The following POC5 variants were observed in gnomAD, a reference collection of about 807,000 sequenced individuals.
POC5 encodes centrosomal protein POC5.
Under a neutral mutation model 62.9 loss-of-function variants are expected in POC5, and 48 were observed. The observed-to-expected ratio is 0.76, with a 90% CI of 0.61 to 0.97. POC5 has a LOEUF of 0.97. POC5 is among the 50% of genes least tolerant of loss of function. The pLI is 0.00. For synonymous variants in POC5, 236 were observed against 228.2 expected, an observed-to-expected ratio of 1.03 and a Z score of -0.31; for missense variants, 696 against 679.5, an observed-to-expected ratio of 1.02 and a Z score of -0.27.
At chr5:75,706,371 C>A (rs1412255434) in intron 3 of POC5, among the ~76,000 whole-genome samples, 3 of 152,168 alleles carry the variant, frequency 2.0e-5, no homozygotes, top group Non-Finnish European at 2.9e-5. Flanking sequence ...ACATAGAAGA[C>A]TTTAACAAAG....
intron 5 of POC5, among the ~76,000 whole-genome samples, chr5:75,698,344 A>G (rs1481082270): frequency 6.6e-6 from 1 of 152,012 alleles, no homozygotes; most frequent in East Asian, 1.9e-4. Flanking sequence ...CAAATGTAAA[A>G]GAACAGAAAT....
chr5:75,688,656 T>C (rs879939100), intron 9 of POC5, among the ~76,000 whole-genome samples: 3 of 152,142 alleles, frequency 2.0e-5, no homozygotes, highest in Non-Finnish European at 4.4e-5. Flanking sequence ...TCCAAAATAT[T>C]TGGCTACTTA....
At chr5:75,706,263 G>A (rs922770947) in intron 3 of POC5, among the ~76,000 whole-genome samples, 2 of 152,188 alleles carry the variant, frequency 1.3e-5, no homozygotes, top group Admixed American at 1.3e-4. Flanking sequence ...AAGAATGACT[G>A]TTAGAGGCTT....
chr5:75,700,017 G>T (rs1349382599), intron 5 of POC5, among the ~76,000 whole-genome samples: 10 of 151,890 alleles, frequency 6.6e-5, no homozygotes, highest in Non-Finnish European at 1.0e-4. Context: ...ACAAGGGATG[G>T]GAAGGACCTC....
chr5:75,684,427 A>G (rs6888261), intron 10 of POC5, among the ~76,000 whole-genome samples: 11,199 of 139,824 alleles, frequency 0.08, 441 homozygotes, highest in South Asian at 0.12. Context: ...GTGCAATGGC[A>G]TCATCTTGGC....
In POC5 at chr5:75,690,467, T is replaced by C; in HGVS notation, c.891A>G (p.Lys297=). 1.2e-6 allele frequency: 2 copies of C among 1,611,334 alleles called. No individual in the cohort carries two copies. The highest frequency in any genetic ancestry group is 8.5e-7 in the Non-Finnish European group (1 of 1,178,590). The change falls in exon 8 of 12, where the codon AAA becomes AAG. Residue 297 remains lysine, a synonymous_variant. Transcript: ENST00000428202. ...CTTGACAAGCTCTTTCTACCACATCTTTCCACTGCTTTTGCACTACGGAAC... is the reference window on the plus strand; with the variant it reads ...CTTGACAAGCTCTTTCTACCACATCCTTCCACTGCTTTTGCACTACGGAAC... ...VWRSVVQKQW[K]DVVERACQAR...
At chr5:75,676,722 T>C (rs973157779) in intron 11 of POC5, among the ~76,000 whole-genome samples, 1 of 152,148 alleles carries the variant, frequency 6.6e-6, no homozygotes, top group Non-Finnish European at 1.5e-5. Context: ...CTCGGGAGGC[T>C]GAGGCAGGAG....
intron 10 of POC5, among the ~76,000 whole-genome samples, chr5:75,679,098 G>A (rs1319533589): frequency 1.3e-5 from 2 of 152,126 alleles, no homozygotes; most frequent in East Asian, 3.8e-4. Context: ...ACTTATCTCA[G>A]AGTGTAAACG....
chr5:75,707,973 A>C, intron 2 of POC5, 98 bp from the exon 3 acceptor site: 1 of 1,070,374 alleles, frequency 9.3e-7, no homozygotes, highest in African/African-American at 1.6e-5. Flanking sequence ...ACCATAATAG[A>C]GTCCCATGCT....
chr5:75,709,512 C>T (rs1777257476), intron 2 of POC5: 1 of 152,100 alleles, frequency 6.6e-6, no homozygotes, highest in African/African-American at 2.4e-5. Flanking sequence ...TAGAACATTT[C>T]ACAAATTTGC....
chr5:75,716,711 T>C (rs1050521688), intron 1 of POC5, among the ~76,000 whole-genome samples: 2 of 152,232 alleles, frequency 1.3e-5, no homozygotes, highest in African/African-American at 4.8e-5. Context: ...AAAACTTTTG[T>C]GTGCTTCTCT....
chr5:75,680,918 T>C (rs1409752047), intron 10 of POC5, among the ~76,000 whole-genome samples: 2 of 152,164 alleles, frequency 1.3e-5, no homozygotes, highest in African/African-American at 4.8e-5. Flanking sequence ...GATAAAATAA[T>C]GCATTAGGTA....
chr5:75,692,419 C>T lies in POC5; in HGVS notation c.772G>A (p.Gly258Ser), dbSNP rs941954667. ...ACATCCTGTCTGGCTCTGACATGGC[C>T]GATTCGCCAGTGGAAGAATGTTCTC... ...LMRTFFHWRI[G>S]HVRARQDVYE... The change falls in exon 7 of 12, where the codon GGC becomes AGC. Residue 258 changes from glycine to serine, a missense_variant. Gly to Ser is a moderately conservative substitution (Grantham distance 56). Coordinates refer to ENST00000428202, the MANE Select transcript of POC5 (RefSeq NM_001099271.2). 1.8e-5 allele frequency: 28 copies of T among 1,593,172 alleles called. No homozygotes were observed. In the East Asian group the frequency reaches 4.2e-4, roughly 24 times the overall value.
At chr5:75,707,064 T>C (rs534035526) in intron 3 of POC5, among the ~76,000 whole-genome samples, 1 of 152,258 alleles carries the variant, frequency 6.6e-6, no homozygotes, top group Non-Finnish European at 1.5e-5. Context: ...TATAGTGTGA[T>C]AACTGGTCCT....
intron 5 of POC5, among the ~76,000 whole-genome samples, chr5:75,695,236 G>A (rs778545336): frequency 1.3e-5 from 2 of 152,096 alleles, no homozygotes; most frequent in Non-Finnish European, 2.9e-5. Context: ...GGGTGATAGT[G>A]GAAAGAAACC....
intron 10 of POC5, among the ~76,000 whole-genome samples, chr5:75,684,420 C>T (rs1776008279): frequency 7.1e-6 from 1 of 141,792 alleles, no homozygotes; most frequent in Non-Finnish European, 1.5e-5. Flanking sequence ...GGCTGGAGTG[C>T]AATGGCATCA....
chr5:75,683,527 A>C (rs113896747), intron 10 of POC5, among the ~76,000 whole-genome samples: 11,763 of 151,940 alleles, frequency 0.077, 474 homozygotes, highest in South Asian at 0.11. Flanking sequence ...GCCGCCGCGC[A>C]TGGCTTTTTT....
chr5:75,702,591 C>A lies in POC5; in HGVS notation c.513+14G>T, dbSNP rs761587847. The A allele has an allele frequency of 3.1e-6, 5 of 1,607,222 alleles. No individual in the cohort carries two copies. In the East Asian group the frequency reaches 1.1e-4, roughly 36 times the overall value. ...ATACTAAACAACTGTAATTGAAGAA[C>A]TGCTGTACCGTACCTTAAGACCTGA... On this transcript the variant is annotated intron_variant, in intron 5 of 11. Coordinates refer to ENST00000428202, the MANE Select transcript of POC5 (RefSeq NM_001099271.2).
At chr5:75,696,311 C>T (rs1398697471) in intron 5 of POC5, among the ~76,000 whole-genome samples, 1 of 152,192 alleles carries the variant, frequency 6.6e-6, no homozygotes, top group Admixed American at 6.5e-5. Context: ...TTAAATGTCC[C>T]TGTCTGACAG....
Sources: allele counts gnomAD v4.1 joint callset (sites outside exome capture counted in the v4.1 genomes callset), GRCh38; gene constraint gnomAD v4.1.1; transcripts MANE v1.5; gene names NCBI Gene and HGNC (gene_info 2026-07-23, HGNC 2026-07-21).